The following ATP8B3 variants were observed in gnomAD, a reference collection of about 807,000 sequenced individuals.
ATP8B3 encodes the protein ATPase phospholipid transporting 8B3, also known as phospholipid-transporting ATPase IK.
Under a neutral mutation model 140.9 loss-of-function variants are expected in ATP8B3, and 141 were observed. The ratio of observed to expected loss-of-function variants is 1.00; its 90% confidence interval spans 0.87 to 1.15. The LOEUF is 1.15. ATP8B3 is among the 50% of genes most tolerant of loss of function. ATP8B3 has a pLI of 0.00. For missense variants in ATP8B3, 1,874 were observed against 1,740.6 expected, an observed-to-expected ratio of 1.08 and a Z score of -1.36; for synonymous variants, 765 against 714.6, an observed-to-expected ratio of 1.07 and a Z score of -1.13.
intron 14 of ATP8B3, among the ~76,000 whole-genome samples, chr19:1,798,277 C>T (rs1362200182): frequency 1.3e-5 from 2 of 151,992 alleles, no homozygotes; most frequent in Non-Finnish European, 2.9e-5. Context: ...GGGGACTTCT[C>T]ACTACACTAA....
Position 1,789,010 on chromosome 19 carries a change from C to G in ATP8B3, c.2956G>C (p.Gly986Arg). ...CFLQRLLLVH[G>R]RWSYVRICKF... ...CAGATCCGCACGTAGGACCAGCGGC[C>G]GTGCACCAGCAGGAGGCGCTGCAGG... Residue 986 changes from glycine (G) to arginine (R), a missense_variant, in exon 24 of 29, where the codon GGC (glycine) becomes CGC (arginine). Gly to Arg is a moderately radical substitution (Grantham distance 125). Coordinates refer to ENST00000310127, the MANE Select transcript of ATP8B3 (RefSeq NM_138813.4). 1.9e-6 allele frequency: 3 copies of G among 1,610,078 alleles called. No homozygotes were observed. Among genetic ancestry groups the G allele is most frequent in the Non-Finnish European group, 2.5e-6 (3 of 1,178,732 alleles).
Position 1,806,417 on chromosome 19 carries a change from C to T in ATP8B3, c.677+211G>A. 1 of 1,447,324 alleles carries T rather than the reference C, an allele frequency of 6.9e-7. No homozygotes were observed. The highest frequency in any genetic ancestry group is 9.0e-7 in the Non-Finnish European group (1 of 1,106,876). 89.7% of individuals were successfully genotyped at this position (1,447,324 alleles called of 1,614,324 possible). ...TCCTTGTCCTCCCCATCGCCCGAGC[C>T]CTAAGCTCTGCAAGGGTTCGCCATC... On this transcript the variant is annotated intron_variant, in intron 7 of 28. Transcript: ENST00000310127. This position sits in a 1 kb window ranked among gnomAD's most constrained non-coding sequence, Gnocchi z 5.6.
At chr19:1,792,174 G>GCCGACAT in intron 18 of ATP8B3, 39 bp from the exon 19 acceptor site, 1 of 1,527,194 alleles carries the variant, frequency 6.5e-7, no homozygotes, top group South Asian at 1.2e-5. Context: ...CCATGCTGAA[G>GCCGACAT]CCGACATCCG....
rs753025011 is a variant in ATP8B3 at position 1,808,318 on chromosome 19, C to T, written c.420G>A (p.Thr140=). The T allele has an allele frequency of 1.7e-5, 27 of 1,612,358 alleles. No homozygotes were observed. The highest frequency in any genetic ancestry group is 3.3e-5 in the South Asian group (3 of 90,958). The stretch of plus-strand genomic sequence containing the variant: ...GGAACGAGTAGAAGTTGTACTTGGC[C>T]GTGCGGATGACATTGGTCTGGAACG... ...RKKYKTNVIR[T]AKYNFYSFLP... The change falls in exon 5 of 29, where the codon ACG becomes ACA. Residue 140 remains threonine (T), a synonymous_variant. Transcript: ENST00000310127.
chr19:1,801,929 G>C (rs1331486157), intron 12 of ATP8B3, 27 bp downstream of exon 12: 2 of 1,565,718 alleles, frequency 1.3e-6, no homozygotes, highest in African/African-American at 1.4e-5. Flanking sequence ...TGTGTTCCTG[G>C]GGCAGGGGCA....
chr19:1,797,816 G>T (rs1371103188), intron 14 of ATP8B3, among the ~76,000 whole-genome samples: 1 of 151,740 alleles, frequency 6.6e-6, no homozygotes, highest in Non-Finnish European at 1.5e-5. Flanking sequence ...ATGCTTTATT[G>T]TTCTTAGAAA....
In ATP8B3 at chr19:1,806,464, G is replaced by A. The variant is rs28397595; in HGVS notation, c.677+164C>T. On this transcript the variant is annotated intron_variant, in intron 7 of 28. Coordinates refer to ENST00000310127, the MANE Select transcript of ATP8B3 (RefSeq NM_138813.4). The surrounding 1 kb of genome is among the most constrained non-coding windows in gnomAD (Gnocchi z 5.6). ...CATCAGGGCCTCGGCCTCTGTCCTC[G>A]TCCCGGCCAAACGCCTAATGAATGC... 287,190 of 1,464,114 alleles carry A rather than the reference G, an allele frequency of 0.2. 28,957 individuals carry two copies. Among genetic ancestry groups the A allele is most frequent in the African/African-American group, 0.29 (20,594 of 71,000 alleles). 90.7% of individuals were successfully genotyped at this position (1,464,114 alleles called of 1,614,324 possible).
Position 1,806,570 on chromosome 19 carries a change from C to A in ATP8B3, c.677+58G>T, listed in dbSNP as rs751146135. The stretch of plus-strand genomic sequence containing the variant: ...ATGGACACTTGCCGAGGCCGATGAC[C>A]CTGCTGGGCTGGAGCCCCCGTGTCC... On this transcript the variant is annotated intron_variant, in intron 7 of 28. Transcript: ENST00000310127. This position sits in a 1 kb window ranked among gnomAD's most constrained non-coding sequence, Gnocchi z 5.6. 185 of 1,547,904 alleles carry A rather than the reference C, an allele frequency of 1.2e-4. No individual in the cohort carries two copies. The highest frequency in any genetic ancestry group is 1.5e-4 in the Non-Finnish European group (177 of 1,146,232).
At chr19:1,784,554 C>T (rs368262453) in intron 28 of ATP8B3, among the ~76,000 whole-genome samples, 1 of 152,158 alleles carries the variant, frequency 6.6e-6, no homozygotes, top group Admixed American at 6.5e-5. Flanking sequence ...CTTAAGAGCC[C>T]GATGGCATCA....
intron 28 of ATP8B3, 48 bp downstream of exon 28, chr19:1,784,771 G>T (rs1342512907): frequency 1.9e-6 from 3 of 1,539,884 alleles, no homozygotes; most frequent in South Asian, 2.5e-5. Flanking sequence ...CCCCAACCAG[G>T]GTCCTGGAAT....
intron 18 of ATP8B3, among the ~76,000 whole-genome samples, chr19:1,795,640 G>A (rs938019044): frequency 2.0e-5 from 3 of 151,916 alleles, no homozygotes; most frequent in Non-Finnish European, 2.9e-5. Flanking sequence ...CCTCCCAGCC[G>A]GTGTGTGTGT....
chr19:1,803,976 C>T (rs1178772478), intron 10 of ATP8B3, among the ~76,000 whole-genome samples: 1 of 151,798 alleles, frequency 6.6e-6, no homozygotes, highest in Non-Finnish European at 1.5e-5. Flanking sequence ...TGGGTGTGGC[C>T]CCCTCCACCA....
chr19:1,789,149 C>A (rs771412482), intron 23 of ATP8B3, 29 bp from the exon 24 acceptor site: 138 of 1,511,026 alleles, frequency 9.1e-5, no homozygotes, highest in Non-Finnish European at 1.2e-4. Flanking sequence ...TGGTCAGCCC[C>A]CCGCACGCCC....
rs376910813 is a variant in ATP8B3, at chr19:1,785,154, C to T, written c.3532+5G>A. 132 of 1,560,064 alleles carry T rather than the reference C, an allele frequency of 8.5e-5. No individual in the cohort carries two copies. Among genetic ancestry groups the T allele is most frequent in the Non-Finnish European group, 1.0e-4 (118 of 1,154,184 alleles). ...CGCCCGTCCCACTTCCCCATGGGGG[C>T]TCACACAGAAACGGGAAGGTCGTGG... On this transcript the variant is annotated splice_donor_5th_base_variant and intron_variant, in intron 27 of 28. Coordinates refer to ENST00000310127, the MANE Select transcript of ATP8B3 (RefSeq NM_138813.4).
chr19:1,794,154 A>T lies in ATP8B3; in HGVS notation c.2055+1721T>A, dbSNP rs186868380. Among the ~76,000 whole-genome samples, 10 of 152,178 alleles carry T rather than the reference A, an allele frequency of 6.6e-5. No homozygotes were observed. The highest frequency in any genetic ancestry group is 8.8e-5 in the Non-Finnish European group (6 of 68,022). Reference sequence around the variant, plus strand: ...GCGATCCTCCTGCCTCAGGCTCCCAAAGTGCTGGGACCACAGGCACGCGCC... The same window carrying T: ...GCGATCCTCCTGCCTCAGGCTCCCATAGTGCTGGGACCACAGGCACGCGCC... On this transcript the variant is annotated intron_variant, in intron 18 of 28. Coordinates refer to ENST00000310127, the MANE Select transcript of ATP8B3 (RefSeq NM_138813.4). The surrounding 1 kb of genome is among the most constrained non-coding windows in gnomAD (Gnocchi z 4.8).
At chr19:1,804,270 G>A (rs1278644972) in intron 10 of ATP8B3, among the ~76,000 whole-genome samples, 1 of 152,134 alleles carries the variant, frequency 6.6e-6, no homozygotes, top group Non-Finnish European at 1.5e-5. Context: ...AAGGTGGGTG[G>A]ATCACCTGAG....
chr19:1,785,738 G>T, intron 25 of ATP8B3, 30 bp from the exon 26 acceptor site: 2 of 1,206,964 alleles, frequency 1.7e-6, no homozygotes, highest in South Asian at 1.3e-5. Flanking sequence ...CTTGGGATTG[G>T]GTGGGGGGCG....
chr19:1,809,203 C>A (rs560162210), intron 4 of ATP8B3, among the ~76,000 whole-genome samples: 1 of 149,076 alleles, frequency 6.7e-6, no homozygotes, highest in South Asian at 2.1e-4. Flanking sequence ...AAAAAAGAGG[C>A]TGGGCGCAGT....
Position 1,789,681 on chromosome 19 carries a change from T to C in ATP8B3, c.2525A>G (p.Gln842Arg), listed in dbSNP as rs1245849554. ...SLRKEPRALA[Q>R]NVNMDEAWQE... is the part of the protein sequence containing the mutation. ...CCACGCCTCGTCCATGTTCACGTTC[T>C]GCGCCAGGGCGCGCGGCTCCTTCCG... Residue 842 changes from glutamine (Q) to arginine (R), a missense_variant, in exon 23 of 29, where the codon CAG becomes CGG. By Grantham distance (43) the Gln-to-Arg change is conservative. Coordinates refer to ENST00000310127, the MANE Select transcript of ATP8B3 (RefSeq NM_138813.4). 6.3e-7 allele frequency: 1 copy of C among 1,596,464 alleles called. No individual in the cohort carries two copies.
Sources: gnomAD v4.1 joint callset for allele counts (sites outside exome capture counted in the v4.1 genomes callset) on GRCh38, gnomAD v4.1.1 for gene constraint, Gnocchi (gnomAD v3.1) non-coding constraint, MANE v1.5 for transcripts, NCBI Gene and HGNC (gene_info 2026-07-23, HGNC 2026-07-21) for gene names.